Variants in CACNA2D3 observed in about 807,000 individuals in gnomAD.
CACNA2D3 encodes the protein voltage-dependent calcium channel subunit alpha-2/delta-3.
CACNA2D3 carries 60 observed loss-of-function variants against 160.6 expected under a neutral mutation model. That is an observed-to-expected ratio of 0.37 (90% CI 0.30 to 0.46). The LOEUF is 0.46. Among genes scored for constraint, CACNA2D3 ranks in the 20% least tolerant of loss-of-function variants. The pLI is 1.00. For missense variants in CACNA2D3, 1,205 were observed against 1,365.0 expected (o/e 0.88, Z 1.85); for synonymous variants, 558 against 492.9 (o/e 1.13, Z -1.75).
chr3:54,256,493 A>G (rs1575348321), intron 2 of CACNA2D3, among the ~76,000 whole-genome samples: 1 of 152,164 alleles, frequency 6.6e-6, no homozygotes, highest in Non-Finnish European at 1.5e-5. Context: ...GATATGGCAG[A>G]CCCTGATTAT....
chr3:54,444,633 A>G (rs539044141), intron 4 of CACNA2D3, among the ~76,000 whole-genome samples: 6 of 152,268 alleles, frequency 3.9e-5, no homozygotes, highest in South Asian at 2.1e-4. Flanking sequence ...TTAGGGCCAT[A>G]TCATGTCAAA....
chr3:54,918,876 G>GCC (rs1331731006), intron 27 of CACNA2D3: 1 of 1,546,636 alleles, frequency 6.5e-7, no homozygotes, highest in Non-Finnish European at 8.7e-7. Context: ...CACAGATGAT[G>GCC]CCGTCTGTTA....
intron 2 of CACNA2D3, among the ~76,000 whole-genome samples, chr3:54,142,822 A>G (rs537524811): frequency 3.3e-5 from 5 of 152,272 alleles, no homozygotes; most frequent in African/African-American, 1.2e-4. Flanking sequence ...GGATTCCACA[A>G]TGGGCATTTT....
In CACNA2D3 at chr3:54,982,387, C is replaced by G. The variant is rs766353079; in HGVS notation, c.2557-2221C>G. Among the ~76,000 whole-genome samples the G allele has an allele frequency of 8.9e-4, 135 of 152,192 alleles. 1 individual carries two copies. Among genetic ancestry groups the G allele is most frequent in the Admixed American group, 3.6e-3 (55 of 15,284 alleles). Reference sequence around the variant, plus strand: ...CTGCCTTAGGAGAGACTCTTAACTCCCCTAAGTTGGGCCTCTAACCCAGTC... The same window carrying G: ...CTGCCTTAGGAGAGACTCTTAACTCGCCTAAGTTGGGCCTCTAACCCAGTC... On this transcript the variant is annotated intron_variant, in intron 29 of 37. Transcript: ENST00000474759.
chr3:54,174,626 G>A (rs1452001920), intron 2 of CACNA2D3, among the ~76,000 whole-genome samples: 1 of 152,262 alleles, frequency 6.6e-6, no homozygotes, highest in Admixed American at 6.5e-5. Flanking sequence ...CCGGGTTCGC[G>A]CCATTCTCCT....
intron 10 of CACNA2D3, among the ~76,000 whole-genome samples, chr3:54,640,494 G>A (rs1699492541): frequency 6.6e-6 from 1 of 152,116 alleles, no homozygotes; most frequent in South Asian, 2.1e-4. Flanking sequence ...AGGACATTCT[G>A]CTCTGGCAAC....
intron 2 of CACNA2D3, among the ~76,000 whole-genome samples, chr3:54,144,185 A>G (rs1445081557): frequency 2.0e-5 from 3 of 152,218 alleles, no homozygotes; most frequent in Non-Finnish European, 4.4e-5. Flanking sequence ...TCTTATGAGC[A>G]TATCCCCTAT....
intron 4 of CACNA2D3, among the ~76,000 whole-genome samples, chr3:54,466,014 C>T (rs1700617964): frequency 6.6e-6 from 1 of 152,160 alleles, no homozygotes; most frequent in Non-Finnish European, 1.5e-5. Flanking sequence ...ATGTGGTCCC[C>T]TCCACCTTCA....
At chr3:54,573,258 A>T (rs927213618) in intron 8 of CACNA2D3, among the ~76,000 whole-genome samples, 8 of 152,208 alleles carry the variant, frequency 5.3e-5, no homozygotes, top group African/African-American at 1.9e-4. Context: ...CCTCTAATGG[A>T]TAAGAGAATG....
intron 29 of CACNA2D3, among the ~76,000 whole-genome samples, chr3:54,974,132 A>G (rs1702333143): frequency 6.6e-6 from 1 of 152,236 alleles, no homozygotes; most frequent in South Asian, 2.1e-4. Flanking sequence ...ACCTCCTGCT[A>G]TGAACTATGT....
intron 11 of CACNA2D3, among the ~76,000 whole-genome samples, chr3:54,748,304 G>A (rs1701793787): frequency 6.6e-6 from 1 of 152,132 alleles, no homozygotes; most frequent in African/African-American, 2.4e-5. Context: ...TTCACCAAAG[G>A]TTAAAAAGAA....
intron 31 of CACNA2D3, among the ~76,000 whole-genome samples, chr3:55,004,431 A>G (rs1339154019): frequency 6.6e-6 from 1 of 152,232 alleles, no homozygotes; most frequent in Non-Finnish European, 1.5e-5. Context: ...AATCCAGTTC[A>G]GAACAGCACA....
intron 4 of CACNA2D3, among the ~76,000 whole-genome samples, chr3:54,484,347 A>T (rs1418756748): frequency 6.6e-6 from 1 of 152,170 alleles, no homozygotes; most frequent in African/African-American, 2.4e-5. Context: ...CCAGCACCGC[A>T]CATTAGGCAC....
intron 4 of CACNA2D3, among the ~76,000 whole-genome samples, chr3:54,472,954 T>C (rs756229497): frequency 2.6e-5 from 4 of 152,200 alleles, no homozygotes; most frequent in Admixed American, 2.6e-4. Flanking sequence ...ACGGCCATAA[T>C]GCCCAAAGTA....
At chr3:54,364,872 G>A (rs771966625) in intron 3 of CACNA2D3, among the ~76,000 whole-genome samples, 11 of 152,192 alleles carry the variant, frequency 7.2e-5, no homozygotes, top group Middle Eastern at 3.2e-3. Context: ...TTTTTGAAGC[G>A]TTGTATTTGA....
At chr3:55,000,250 CA>C (rs1702951096) in intron 31 of CACNA2D3, among the ~76,000 whole-genome samples, 1 of 152,142 alleles carries the variant, frequency 6.6e-6, no homozygotes, top group Non-Finnish European at 1.5e-5. Flanking sequence ...TTATTTAAAA[CA>C]GTAACAAAGT....
chr3:54,816,952 T>C (rs189539191), intron 14 of CACNA2D3, 82 bp downstream of exon 14: 146 of 1,497,560 alleles, frequency 9.7e-5, no homozygotes, highest in African/African-American at 7.0e-5. Flanking sequence ...CATTTGACAC[T>C]GTTCATGACC....
intron 13 of CACNA2D3, among the ~76,000 whole-genome samples, chr3:54,771,521 C>A (rs1192457689): frequency 6.6e-6 from 1 of 152,150 alleles, no homozygotes; most frequent in East Asian, 1.9e-4. Context: ...GGACTGAGTT[C>A]CCATTTTCTT....
intron 4 of CACNA2D3, among the ~76,000 whole-genome samples, chr3:54,452,838 G>A (rs1406095602): frequency 2.0e-5 from 3 of 152,136 alleles, no homozygotes; most frequent in Non-Finnish European, 2.9e-5. Flanking sequence ...GGCTTCTGGT[G>A]GTTGCTGGCT....
Sources: gnomAD v4.1 joint callset for allele counts (sites outside exome capture counted in the v4.1 genomes callset) on GRCh38, gnomAD v4.1.1 for gene constraint, MANE v1.5 for transcripts, NCBI Gene and HGNC (gene_info 2026-07-23, HGNC 2026-07-21) for gene names.